Variants in C5 observed in about 807,000 individuals in gnomAD.
C5 encodes the protein C3 and PZP-like alpha-2-macroglobulin domain-containing protein 4.
C5 carries 140 observed loss-of-function variants against 218.8 expected under a neutral mutation model. The observed-to-expected ratio is 0.64, with a 90% CI of 0.56 to 0.74. The LOEUF (loss-of-function observed/expected upper bound fraction) is 0.74. Among genes scored for constraint, C5 ranks in the 30% least tolerant of loss-of-function variants. C5 has a pLI of 0.00. For missense variants in C5, 1,700 were observed against 1,969.6 expected (o/e 0.86, Z 2.59); for synonymous variants, 614 against 682.3 (o/e 0.90, Z 1.56).
chr9:121,034,755 T>C, intron 5 of C5, 48 bp downstream of exon 5: 2 of 1,047,490 alleles, frequency 1.9e-6, no homozygotes, highest in Non-Finnish European at 1.5e-6. Context: ...ACCTGCTTCT[T>C]CACCAAAAGT....
intron 30 of C5, among the ~76,000 whole-genome samples, chr9:120,972,254 C>A (rs1479002296): frequency 6.6e-6 from 1 of 152,200 alleles, no homozygotes; most frequent in East Asian, 1.9e-4. Context: ...GAGGTCACTT[C>A]TGGTTACATT....
chr9:120,986,366 T>TAA lies in C5; in HGVS notation c.3230+2678_3230+2679dup, dbSNP rs11394255. ...AAAGTTCAATATCCACAATGTTCTTTAAAAAAAAAAAAAGACGAATATAAA... is the reference window on the plus strand; with the variant it reads ...AAAGTTCAATATCCACAATGTTCTTTAAAAAAAAAAAAAAAGACGAATATAAA... On this transcript the variant is annotated intron_variant, in intron 25 of 40. Transcript: ENST00000223642. 6.7e-3 allele frequency among the ~76,000 whole-genome samples: 983 copies of TAA among 146,086 alleles called. 4 individuals carry two copies. Among genetic ancestry groups the TAA allele is most frequent in the African/African-American group, 0.018 (727 of 39,926 alleles).
At chr9:121,072,827 A>G in the C5 span, among the ~76,000 whole-genome samples, 65 of 151,434 alleles carry the variant, frequency 4.3e-4, 1 homozygote, top group Admixed American at 9.2e-4. Flanking sequence ...AAAAAAAAAA[A>G]AAAAAGAAAA....
intron 10 of C5, among the ~76,000 whole-genome samples, chr9:121,022,266 C>A (rs991634545): frequency 9.3e-5 from 14 of 150,822 alleles, no homozygotes; most frequent in Non-Finnish European, 1.9e-4. Flanking sequence ...AATAGATACA[C>A]CTTTTTTCCT....
intron 39 of C5, among the ~76,000 whole-genome samples, chr9:120,955,322 G>A (rs1163463999): frequency 6.6e-6 from 1 of 152,090 alleles, no homozygotes; most frequent in Non-Finnish European, 1.5e-5. Flanking sequence ...ATCTACAGGA[G>A]AACAAAGAAG....
rs1204449883 is a variant in C5, at chr9:120,952,789, A to T, written c.4981T>A (p.Leu1661Ile). 6.2e-7 allele frequency: 1 copy of T among 1,613,888 alleles called. No individual in the cohort carries two copies. Among genetic ancestry groups the T allele is most frequent in the East Asian group, 2.2e-5 (1 of 44,890 alleles). The change falls in exon 41 of 41, where the codon TTA becomes ATA. Residue 1661 changes from leucine to isoleucine, a missense_variant. By Grantham distance (5) the Leu-to-Ile change is conservative. Transcript: ENST00000223642. ...DTTCSSCQAFLANLDEFAEDI... is the reference protein window; with the variant it reads ...DTTCSSCQAFIANLDEFAEDI... ...TCGGCAAATTCATCTAAATTAGCTA[A>T]AAATGCTTGACACGATGAACATGTT...
intron 25 of C5, among the ~76,000 whole-genome samples, chr9:120,986,686 T>C (rs886455027): frequency 6.6e-6 from 1 of 152,210 alleles, no homozygotes; most frequent in African/African-American, 2.4e-5. Context: ...CCAGTCTTCA[T>C]TGACACTCAC....
At chr9:121,049,133 CAATT>C (rs1244231957) in intron 1 of C5, among the ~76,000 whole-genome samples, 2 of 152,176 alleles carry the variant, frequency 1.3e-5, no homozygotes, top group African/African-American at 2.4e-5. Context: ...ATCAATCAAC[CAATT>C]AATTAAAGTG....
At chr9:120,971,590 A>C (rs1387092493) in intron 31 of C5, among the ~76,000 whole-genome samples, 1 of 152,246 alleles carries the variant, frequency 6.6e-6, no homozygotes, top group Non-Finnish European at 1.5e-5. Flanking sequence ...GGCGCACGCC[A>C]CCATGCCCGG....
At chr9:121,024,015 C>T (rs980590846) in intron 9 of C5, among the ~76,000 whole-genome samples, 11 of 150,220 alleles carry the variant, frequency 7.3e-5, no homozygotes, top group East Asian at 2.0e-4. Flanking sequence ...CGAGACCAGC[C>T]GGGCCAACAT....
intron 25 of C5, among the ~76,000 whole-genome samples, chr9:120,984,714 C>CTTTTTT (rs149222003): frequency 3.9e-4 from 27 of 69,212 alleles, no homozygotes; most frequent in Non-Finnish European, 4.7e-4. Flanking sequence ...TAAGCTCTTA[C>CTTTTTT]TTTTTTTTTT....
chr9:120,967,199 G>A (rs1028577623), intron 33 of C5, among the ~76,000 whole-genome samples: 1 of 150,466 alleles, frequency 6.6e-6, no homozygotes, highest in Non-Finnish European at 1.5e-5. Flanking sequence ...GGTGGAGGTT[G>A]TAGTGAGCCG....
chr9:120,982,000 G>A lies in C5; in HGVS notation c.3391-61C>T, dbSNP rs1173940531. 2.5e-5 allele frequency: 27 copies of A among 1,085,896 alleles called. No homozygotes were observed. The Admixed American group carries it at 4.5e-4, about 18-fold the overall frequency. 67.3% of individuals were successfully genotyped at this position (1,085,896 alleles called of 1,614,324 possible). A position where few individuals can be genotyped will look rare whatever the true frequency, so the allele number is the denominator to read the frequency against. ...TGGTGTCTTTAAGGCGAAATGACCT[G>A]ATTCTACTCTGTTTTTTGTTTGTTT... On this transcript the variant is annotated intron_variant, in intron 26 of 40. Transcript: ENST00000223642.
At position 120,989,122 on chromosome 9, in the gene C5, C is replaced by T. The variant is rs1438778992; in HGVS notation, c.3155-1G>A. The T allele has an allele frequency of 1.2e-6, 2 of 1,612,166 alleles. No homozygotes were observed. Among genetic ancestry groups the T allele is most frequent in the Non-Finnish European group, 1.7e-6 (2 of 1,178,248 alleles). The stretch of plus-strand genomic sequence containing the variant: ...CTGTAGGACATAATGCTCAACATCC[C>T]TAAGAAGCACAAGAAAAAGAACACG... On this transcript the variant is annotated splice_acceptor_variant, in intron 24 of 40. Transcript: ENST00000223642. LOFTEE classifies it high-confidence loss of function.
At chr9:121,011,832 A>G (rs962990633) in intron 17 of C5, among the ~76,000 whole-genome samples, 1 of 152,226 alleles carries the variant, frequency 6.6e-6, no homozygotes, top group African/African-American at 2.4e-5. Context: ...AACAATATGG[A>G]TGGAACTGGA....
At chr9:121,004,324 T>C (rs2047197801) in intron 20 of C5, among the ~76,000 whole-genome samples, 1 of 151,900 alleles carries the variant, frequency 6.6e-6, no homozygotes, top group Admixed American at 6.5e-5. Context: ...AATTTTAAGA[T>C]ATTTCATTTT....
chr9:121,000,675 C>A (rs1425049936), intron 20 of C5, among the ~76,000 whole-genome samples: 1 of 152,126 alleles, frequency 6.6e-6, no homozygotes, highest in African/African-American at 2.4e-5. Flanking sequence ...AAAAACAGTT[C>A]TTTAGAAAAA....
Position 120,962,755 on chromosome 9 carries a change from A to C in C5, c.4420T>G (p.Cys1474Gly). The change falls in exon 36 of 41, where the codon TGT becomes GGT. Residue 1474 changes from cysteine to glycine, a missense_variant. Physicochemically the swap from Cys to Gly is radical, Grantham distance 159. Transcript: ENST00000223642. The stretch of plus-strand genomic sequence containing the variant: ...AGTTCAAATATCCGGAATCGTACAC[A>C]AAGGAAATCACTGGAGGGAATCTGT... ...LNSIPSSDFL[C>G]VRFRIFELFE... 6.2e-7 allele frequency: 1 copy of C among 1,614,084 alleles called. No individual in the cohort carries two copies. The highest frequency in any genetic ancestry group is 1.1e-5 in the South Asian group (1 of 91,086).
rs1271236674 is a variant in C5 at position 121,025,583 on chromosome 9, T to G, written c.874-3A>C. On this transcript the variant is annotated splice_polypyrimidine_tract_variant and splice_region_variant and intron_variant, in intron 8 of 40. Coordinates refer to ENST00000223642, the MANE Select transcript of C5 (RefSeq NM_001735.3). The stretch of plus-strand genomic sequence containing the variant: ...ACTTGAGCAATTCCATTTATCAACT[T>G]TTTAAAAGGAGAAAAAGGAGGAGTT... 4 of 1,611,738 alleles carry G rather than the reference T, an allele frequency of 2.5e-6. No homozygotes were observed. Among genetic ancestry groups the G allele is most frequent in the Non-Finnish European group, 3.4e-6 (4 of 1,179,402 alleles).
Sources: allele counts gnomAD v4.1 joint callset (sites outside exome capture counted in the v4.1 genomes callset), GRCh38; gene constraint gnomAD v4.1.1; transcripts MANE v1.5; gene names NCBI Gene and HGNC (gene_info 2026-07-23, HGNC 2026-07-21).